SLC35F4: variants seen among roughly 807,000 people sequenced by gnomAD.
SLC35F4 encodes solute carrier family 35 member F4, also known as chromosome 14 open reading frame 36.
Under a neutral mutation model 44.2 loss-of-function variants are expected in SLC35F4, and 24 were observed. The observed-to-expected ratio is 0.54, with a 90% CI of 0.39 to 0.76. The LOEUF (loss-of-function observed/expected upper bound fraction) is 0.76. SLC35F4 is among the 30% of genes least tolerant of loss of function. SLC35F4 has a pLI of 0.00. For missense variants in SLC35F4, 562 were observed against 586.1 expected, an observed-to-expected ratio of 0.96 and a Z score of 0.42; for synonymous variants, 238 against 223.6, an observed-to-expected ratio of 1.06 and a Z score of -0.57.
chr14:57,736,446 A>G (rs139832866), intron 1 of SLC35F4, among the ~76,000 whole-genome samples: 3,156 of 152,302 alleles, frequency 0.021, 39 homozygotes, highest in Middle Eastern at 0.037. Flanking sequence ...TAAAATCTTC[A>G]AGGTCCACCT....
chr14:57,878,908 T>C (rs900644847), intron 1 of SLC35F4, among the ~76,000 whole-genome samples: 11 of 152,204 alleles, frequency 7.2e-5, no homozygotes, highest in African/African-American at 2.7e-4. Flanking sequence ...TCTATTTACC[T>C]TCTTTAAGAA....
chr14:57,741,277 T>C, intron 1 of SLC35F4, among the ~76,000 whole-genome samples: 1 of 152,152 alleles, frequency 6.6e-6, no homozygotes, highest in East Asian at 1.9e-4. Flanking sequence ...TGATCGGTAA[T>C]AACAAACTTC....
exon 2 of SLC35F4, chr14:57,976,927 A>T (rs565887324): frequency 6.6e-6 from 1 of 152,288 alleles, no homozygotes; most frequent in African/African-American, 2.4e-5. Flanking sequence ...ACATTTGTCC[A>T]CCATATGGAT....
intron 1 of SLC35F4, among the ~76,000 whole-genome samples, chr14:57,821,264 C>T (rs1883147378): frequency 6.6e-6 from 1 of 152,000 alleles, no homozygotes; most frequent in Admixed American, 6.5e-5. Context: ...ACACAGACAA[C>T]TTCTTCCCAG....
At chr14:57,914,809 C>T (rs1035482582) in intron 1 of SLC35F4, among the ~76,000 whole-genome samples, 1 of 152,172 alleles carries the variant, frequency 6.6e-6, no homozygotes, top group Non-Finnish European at 1.5e-5. Flanking sequence ...TATGGCTTTA[C>T]TGGGCTCAAT....
intron 1 of SLC35F4, among the ~76,000 whole-genome samples, chr14:57,650,500 C>T (rs149793464): frequency 4.6e-5 from 7 of 152,218 alleles, no homozygotes; most frequent in African/African-American, 1.2e-4. Context: ...ACCTCAACTA[C>T]GTCTACTTCT....
At chr14:57,657,543 C>G (rs574075383) in intron 1 of SLC35F4, among the ~76,000 whole-genome samples, 1 of 152,180 alleles carries the variant, frequency 6.6e-6, no homozygotes, top group Admixed American at 6.5e-5. Context: ...ATGCATGCAT[C>G]ATTTCCCCCA....
intron 1 of SLC35F4, chr14:57,596,868 G>C: frequency 7.3e-7 from 1 of 1,367,516 alleles, no homozygotes; most frequent in Non-Finnish European, 9.8e-7. Flanking sequence ...TGGTCAGTTT[G>C]TGGAAGAGAT....
chr14:57,947,648 T>C (rs1890060850), intron 1 of SLC35F4, among the ~76,000 whole-genome samples: 1 of 152,214 alleles, frequency 6.6e-6, no homozygotes, highest in Non-Finnish European at 1.5e-5. Flanking sequence ...TTCGGTGTTA[T>C]GTTGGCTGTG....
At chr14:57,918,829 G>A (rs754799790) in intron 1 of SLC35F4, among the ~76,000 whole-genome samples, 2 of 152,158 alleles carry the variant, frequency 1.3e-5, no homozygotes, top group African/African-American at 4.8e-5. Flanking sequence ...AACTGCTTGC[G>A]GGGCTGGAGT....
chr14:57,843,869 TG>T (rs1051696713), intron 1 of SLC35F4, among the ~76,000 whole-genome samples: 2 of 152,186 alleles, frequency 1.3e-5, no homozygotes, highest in Admixed American at 6.6e-5. Flanking sequence ...ATTCAGTTTT[TG>T]TTTTTAATTT....
chr14:57,709,515 A>G (rs915028777), intron 1 of SLC35F4, among the ~76,000 whole-genome samples: 32 of 152,260 alleles, frequency 2.1e-4, no homozygotes, highest in African/African-American at 7.5e-4. Flanking sequence ...TATGATCTAT[A>G]TCTAGTATAA....
At chr14:57,891,429 G>T (rs1325345503) in intron 1 of SLC35F4, among the ~76,000 whole-genome samples, 1 of 151,988 alleles carries the variant, frequency 6.6e-6, no homozygotes, top group East Asian at 1.9e-4. Context: ...GATTGCTTGG[G>T]CCCAGGAGTT....
intron 3 of SLC35F4, among the ~76,000 whole-genome samples, chr14:57,586,561 AC>A (rs1566649074): frequency 6.6e-6 from 1 of 151,470 alleles, no homozygotes; most frequent in African/African-American, 2.4e-5. Flanking sequence ...ACTAAAAAAT[AC>A]AAAAAATTAG....
chr14:57,865,389 A>G (rs1338400458), intron 1 of SLC35F4, among the ~76,000 whole-genome samples: 1 of 152,004 alleles, frequency 6.6e-6, no homozygotes, highest in East Asian at 2.0e-4. Context: ...CAGCCATGTT[A>G]GCCTCCTCCG....
At chr14:57,838,152 G>A (rs1300320990) in intron 1 of SLC35F4, among the ~76,000 whole-genome samples, 2 of 152,144 alleles carry the variant, frequency 1.3e-5, no homozygotes, top group African/African-American at 4.8e-5. Context: ...GAGATACAAA[G>A]CAATGTTTCA....
chr14:57,776,415 A>G (rs1195253313), intron 1 of SLC35F4, among the ~76,000 whole-genome samples: 1 of 152,178 alleles, frequency 6.6e-6, no homozygotes, highest in Non-Finnish European at 1.5e-5. Context: ...CACACCTGTA[A>G]TCCCAGCACT....
chr14:57,965,943 C>T lies in SLC35F4; in HGVS notation n.282+15970G>A, dbSNP rs1003431142. ...TTCTGCTTTGTAATCTCTGGGCCAA[C>T]GAAAAGGACAGAGCAGGCCTTGACA... On this transcript the variant is annotated intron_variant and non_coding_transcript_variant, in intron 1 of 1. Transcript: ENST00000556568. Among the ~76,000 whole-genome samples the T allele has an allele frequency of 4.6e-5, 7 of 152,116 alleles. 1 individual carries two copies. Among genetic ancestry groups the T allele is most frequent in the Admixed American group, 4.6e-4 (7 of 15,276 alleles).
Position 57,697,528 on chromosome 14 carries a change from C to A in SLC35F4, c.104-103404G>T, listed in dbSNP as rs148294401. 1.1e-4 allele frequency among the ~76,000 whole-genome samples: 17 copies of A among 151,966 alleles called. No individual in the cohort carries two copies. The East Asian group carries it at 2.7e-3, about 24-fold the overall frequency. ...CAAACCTGGGCAACATGGCAAAACC[C>A]CATCTCTACAAAAAATACAAAAATT... On this transcript the variant is annotated intron_variant, in intron 1 of 7. Coordinates refer to ENST00000556826, the MANE Select transcript of SLC35F4 (RefSeq NM_001306087.2).
Sources: gnomAD v4.1 joint callset for allele counts (sites outside exome capture counted in the v4.1 genomes callset) on GRCh38, gnomAD v4.1.1 for gene constraint, MANE v1.5 for transcripts, NCBI Gene and HGNC (gene_info 2026-07-23, HGNC 2026-07-21) for gene names.